The following GABRG2 variants were observed in gnomAD, a reference collection of about 807,000 sequenced individuals.
GABRG2 encodes gamma-aminobutyric acid type A receptor subunit gamma2.
GABRG2 carries 16 observed loss-of-function variants against 56.4 expected under a neutral mutation model. The observed-to-expected ratio is 0.28, with a 90% CI of 0.19 to 0.43. GABRG2 has a LOEUF of 0.43. Among genes scored for constraint, GABRG2 ranks in the 20% least tolerant of loss-of-function variants. The pLI is 1.00. For missense variants in GABRG2, 327 were observed against 582.7 expected (o/e 0.56, Z 4.52); for synonymous variants, 208 against 205.5 (o/e 1.01, Z -0.10).
rs753623680 is a variant in GABRG2, at chr5:162,149,062, C to G, written c.923-46C>G. On this transcript the variant is annotated intron_variant, in intron 7 of 9. Transcript: ENST00000639213. ...TCTCACGAGTGACTCAGTTACCCAA[C>G]TTGCTTATGCAATCACATGACCTGT... 4.4e-6 allele frequency: 7 copies of G among 1,581,416 alleles called. No individual in the cohort carries two copies. In the South Asian group the frequency reaches 6.6e-5, roughly 15 times the overall value.
At chr5:162,139,080 A>C (rs1339936252) in intron 6 of GABRG2, among the ~76,000 whole-genome samples, 1 of 152,168 alleles carries the variant, frequency 6.6e-6, no homozygotes, top group Admixed American at 6.5e-5. Context: ...CACAAAAAAG[A>C]TAAACATTAA....
At chr5:162,131,746 C>T (rs868113486) in intron 6 of GABRG2, among the ~76,000 whole-genome samples, 3 of 151,984 alleles carry the variant, frequency 2.0e-5, no homozygotes, top group African/African-American at 2.4e-5. Flanking sequence ...TCTGAATCCA[C>T]GTGCCATGAT....
chr5:162,095,437 A>G lies in GABRG2; in HGVS notation c.260-58A>G, dbSNP rs556120058. On this transcript the variant is annotated intron_variant, in intron 2 of 9. Coordinates refer to ENST00000639213, the MANE Select transcript of GABRG2 (RefSeq NM_198904.4). ...AAATCTATTCTAGAAAACAAAGATT[A>G]AAACATTAAAATCTTGCACCTCTCT... 834 of 1,033,428 alleles carry G rather than the reference A, an allele frequency of 8.1e-4. 3 individuals carry two copies. The highest frequency in any genetic ancestry group is 1.2e-3 in the Non-Finnish European group (773 of 660,150). 64.0% of individuals were successfully genotyped at this position (1,033,428 alleles called of 1,614,324 possible). A position where few individuals can be genotyped will look rare whatever the true frequency, so the allele number is the denominator to read the frequency against.
intron 1 of GABRG2, among the ~76,000 whole-genome samples, chr5:162,069,790 A>C (rs1758524859): frequency 6.6e-6 from 1 of 152,130 alleles, no homozygotes; most frequent in South Asian, 2.1e-4. Context: ...TTGATTCAAA[A>C]TTTGAATTCA....
intron 7 of GABRG2, among the ~76,000 whole-genome samples, chr5:162,146,082 C>T (rs1365775111): frequency 2.0e-5 from 3 of 152,000 alleles, no homozygotes; most frequent in East Asian, 1.9e-4. Flanking sequence ...ATTACCACCA[C>T]CACTCCCAGT....
intron 6 of GABRG2, among the ~76,000 whole-genome samples, chr5:162,113,776 C>G (rs577233674): frequency 6.6e-6 from 1 of 152,312 alleles, no homozygotes; most frequent in East Asian, 1.9e-4. Flanking sequence ...AACTGTGTAA[C>G]GGTTCCTTGT....
intron 6 of GABRG2, among the ~76,000 whole-genome samples, chr5:162,141,352 AT>A (rs1431739826): frequency 6.6e-6 from 1 of 152,156 alleles, no homozygotes; most frequent in Non-Finnish European, 1.5e-5. Flanking sequence ...TTGCTTTTTA[AT>A]TCAAATGTTC....
intron 2 of GABRG2, chr5:162,094,833 A>C (rs1170775317): frequency 6.6e-6 from 1 of 152,340 alleles, no homozygotes; most frequent in Non-Finnish European, 1.5e-5. Context: ...TTGGTCATGG[A>C]TATTATACTA....
At chr5:162,119,051 C>A (rs1399299877) in intron 6 of GABRG2, among the ~76,000 whole-genome samples, 2 of 151,986 alleles carry the variant, frequency 1.3e-5, no homozygotes, top group Admixed American at 1.3e-4. Flanking sequence ...TAAATGCAGT[C>A]CTTTAAGTCA....
chr5:162,068,257 A>G, intron 1 of GABRG2, 151 bp downstream of exon 1: 1 of 681,088 alleles, frequency 1.5e-6, no homozygotes, highest in South Asian at 1.6e-5. Flanking sequence ...TGGGGCGGGG[A>G]CTGGAGGGAG....
intron 3 of GABRG2, 75 bp from the exon 4 acceptor site, chr5:162,097,563 G>A: frequency 8.8e-7 from 1 of 1,139,652 alleles, no homozygotes; most frequent in South Asian, 1.3e-5. Flanking sequence ...AAGAAAACAG[G>A]AATGAAATAT....
intron 6 of GABRG2, among the ~76,000 whole-genome samples, chr5:162,109,910 T>C (rs1399261190): frequency 6.6e-6 from 1 of 152,068 alleles, no homozygotes; most frequent in South Asian, 2.1e-4. Context: ...CCTGCCATCA[T>C]AACGAATCAC....
At chr5:162,114,803 A>G (rs2113445139) in intron 6 of GABRG2, among the ~76,000 whole-genome samples, 1 of 152,322 alleles carries the variant, frequency 6.6e-6, no homozygotes, top group East Asian at 1.9e-4. Context: ...ACTTTCATGG[A>G]AGATGGATTT....
intron 1 of GABRG2, among the ~76,000 whole-genome samples, chr5:162,073,825 G>A (rs1758867963): frequency 6.6e-6 from 1 of 151,898 alleles, no homozygotes; most frequent in African/African-American, 2.4e-5. Flanking sequence ...TCATGAATTA[G>A]ATGAAAAAGA....
At chr5:162,106,200 A>G (rs1761814788) in intron 6 of GABRG2, among the ~76,000 whole-genome samples, 1 of 152,198 alleles carries the variant, frequency 6.6e-6, no homozygotes. Context: ...AAGGCTATTA[A>G]TCTTCCTAAG....
chr5:162,102,447 A>G (rs1333991308), intron 5 of GABRG2: 1 of 451,610 alleles, frequency 2.2e-6, no homozygotes, highest in Non-Finnish European at 4.4e-6. Context: ...ACACAATTTA[A>G]TATTACTCAT....
intron 1 of GABRG2, among the ~76,000 whole-genome samples, chr5:162,081,624 A>T: frequency 6.6e-6 from 1 of 151,998 alleles, no homozygotes; most frequent in Non-Finnish European, 1.5e-5. Context: ...GATTCATCTA[A>T]GTTGTTGATG....
At chr5:162,068,566 G>C (rs1758412974) in intron 1 of GABRG2, among the ~76,000 whole-genome samples, 1 of 152,016 alleles carries the variant, frequency 6.6e-6, no homozygotes, top group South Asian at 2.1e-4. Context: ...CCCTGTTCCT[G>C]TGTACTAAGG....
Position 162,095,522 on chromosome 5 carries a change from T to C in GABRG2, c.287T>C (p.Met96Thr). Residue 96 changes from methionine (M) to threonine (T), a missense_variant, in exon 3 of 10, where the codon ATG (methionine) becomes ACG (threonine). Physicochemically the swap from Met to Thr is moderately conservative, Grantham distance 81. Coordinates refer to ENST00000639213, the MANE Select transcript of GABRG2 (RefSeq NM_198904.4). ...GVKPTLIHTD[M>T]YVNSIGPVNA... ...AAGCCAACGTTAATTCACACAGACA[T>C]GTATGTGAATAGCATTGGTCCAGTG... 6.2e-7 allele frequency: 1 copy of C among 1,609,658 alleles called. No homozygotes were observed. Among genetic ancestry groups the C allele is most frequent in the Non-Finnish European group, 8.5e-7 (1 of 1,176,640 alleles).
Sources: allele counts gnomAD v4.1 joint callset (sites outside exome capture counted in the v4.1 genomes callset), GRCh38; gene constraint gnomAD v4.1.1; transcripts MANE v1.5; gene names NCBI Gene and HGNC (gene_info 2026-07-23, HGNC 2026-07-21).